Variants in LARGE1 observed in about 807,000 individuals in gnomAD.
The protein encoded by LARGE1 is LARGE xylosyl- and glucuronyltransferase 1.
LARGE1 carries 43 observed loss-of-function variants against 87.6 expected under a neutral mutation model. That is an observed-to-expected ratio of 0.49 (90% CI 0.38 to 0.63). The LOEUF (loss-of-function observed/expected upper bound fraction) is 0.63. Ranked by LOEUF, LARGE1 falls within the 30% of genes least tolerant of loss-of-function variation. LARGE1 has a pLI of 0.00. For missense variants in LARGE1, 802 were observed against 1,000.2 expected (o/e 0.80, Z 2.67); for synonymous variants, 434 against 394.6 (o/e 1.10, Z -1.18).
At chr22:33,808,571 A>G (rs529831727) in intron 1 of LARGE1, among the ~76,000 whole-genome samples, 7 of 151,800 alleles carry the variant, frequency 4.6e-5, no homozygotes, top group Non-Finnish European at 7.4e-5. Context: ...TACAAAGCAC[A>G]AGGCACCCTG....
chr22:33,574,210 G>A (rs779029092), intron 5 of LARGE1, among the ~76,000 whole-genome samples: 8 of 152,136 alleles, frequency 5.3e-5, no homozygotes, highest in African/African-American at 9.7e-5. Context: ...CATCCTTGGA[G>A]TCTGTGGGTT....
intron 1 of LARGE1, among the ~76,000 whole-genome samples, chr22:33,840,575 C>G (rs964430279): frequency 2.0e-4 from 31 of 152,028 alleles, no homozygotes; most frequent in Non-Finnish European, 2.9e-5. Flanking sequence ...TTTTAAAGTA[C>G]TATTGGATCT....
chr22:33,316,673 G>T (rs1027727344), intron 10 of LARGE1, among the ~76,000 whole-genome samples: 1 of 152,088 alleles, frequency 6.6e-6, no homozygotes, highest in Non-Finnish European at 1.5e-5. Context: ...GGACATGGAG[G>T]CTGCAGTGAG....
chr22:33,360,926 C>T, intron 9 of LARGE1, among the ~76,000 whole-genome samples: 1 of 149,738 alleles, frequency 6.7e-6, no homozygotes, highest in East Asian at 1.9e-4. Flanking sequence ...CCCGATAAAA[C>T]CCCATGTCGG....
intron 11 of LARGE1, among the ~76,000 whole-genome samples, chr22:33,170,354 G>A (rs1178532549): frequency 6.6e-6 from 1 of 152,086 alleles, no homozygotes; most frequent in Non-Finnish European, 1.5e-5. Flanking sequence ...GGATGACAAA[G>A]CAAGACTCCA....
intron 5 of LARGE1, among the ~76,000 whole-genome samples, chr22:33,598,321 TTGTTGAGAAACAGACCA>T (rs2079031793): frequency 6.6e-6 from 1 of 152,198 alleles, no homozygotes; most frequent in African/African-American, 2.4e-5. Flanking sequence ...CATAGAGGTG[TTGTTGAGAAACAGACCA>T]TGAGAGAACC....
intron 10 of LARGE1, chr22:33,322,480 T>G (rs1434150049): frequency 6.6e-6 from 1 of 152,266 alleles, no homozygotes; most frequent in East Asian, 1.9e-4. Flanking sequence ...GATTATATCA[T>G]GTACCTTTTC....
chr22:33,128,694 A>G, the LARGE1 span, among the ~76,000 whole-genome samples: 2 of 135,374 alleles, frequency 1.5e-5, no homozygotes, highest in Admixed American at 1.5e-4. Context: ...AAAAAAAAAA[A>G]AAAGAAAAAG....
intron 6 of LARGE1, among the ~76,000 whole-genome samples, chr22:33,505,020 C>G (rs528448783): frequency 7.9e-5 from 12 of 152,340 alleles, no homozygotes; most frequent in African/African-American, 2.9e-4. Context: ...CCAGGGGCAT[C>G]AGGTATGAGG....
chr22:33,177,353 A>C (rs1938670669), intron 11 of LARGE1, among the ~76,000 whole-genome samples: 1 of 152,174 alleles, frequency 6.6e-6, no homozygotes, highest in South Asian at 2.1e-4. Context: ...CTTATTAAAT[A>C]AAACAATAGA....
intron 1 of LARGE1, among the ~76,000 whole-genome samples, chr22:33,782,062 G>A (rs1362363716): frequency 6.6e-6 from 1 of 152,172 alleles, no homozygotes; most frequent in Non-Finnish European, 1.5e-5. Flanking sequence ...GGAAAATGAG[G>A]CTCAGACAAA....
At chr22:33,309,678 A>C (rs1935345743) in intron 11 of LARGE1, among the ~76,000 whole-genome samples, 1 of 152,230 alleles carries the variant, frequency 6.6e-6, no homozygotes, top group Admixed American at 6.5e-5. Flanking sequence ...TTGTTACAGC[A>C]GATAATGAGA....
intron 6 of LARGE1, among the ~76,000 whole-genome samples, chr22:33,518,898 A>T (rs114399766): frequency 0.027 from 4,066 of 152,028 alleles, 77 homozygotes; most frequent in African/African-American, 0.047. Context: ...ATATCCAGGG[A>T]CCCGCACATC....
chr22:33,874,163 C>T (rs2064392156), intron 1 of LARGE1, among the ~76,000 whole-genome samples: 1 of 152,190 alleles, frequency 6.6e-6, no homozygotes, highest in African/African-American at 2.4e-5. Flanking sequence ...CTGGCTAACT[C>T]GGTCCTTTGT....
chr22:33,833,535 T>C (rs972499803), intron 1 of LARGE1, among the ~76,000 whole-genome samples: 1 of 152,170 alleles, frequency 6.6e-6, no homozygotes, highest in African/African-American at 2.4e-5. Context: ...AACAACTTCA[T>C]CTTGGACTTC....
At chr22:33,654,341 T>C (rs2080901593) in intron 2 of LARGE1, among the ~76,000 whole-genome samples, 1 of 152,222 alleles carries the variant, frequency 6.6e-6, no homozygotes, top group African/African-American at 2.4e-5. Context: ...GCCCCTTCCT[T>C]TTCCTCAAGC....
At chr22:33,571,692 G>A (rs1385447848) in intron 5 of LARGE1, among the ~76,000 whole-genome samples, 1 of 152,184 alleles carries the variant, frequency 6.6e-6, no homozygotes, top group Non-Finnish European at 1.5e-5. Context: ...TATATGGGCT[G>A]ACCTATTGAA....
intron 6 of LARGE1, among the ~76,000 whole-genome samples, chr22:33,457,293 C>CTTTTTTTTTTTT (rs759460321): frequency 8.0e-4 from 60 of 74,926 alleles, no homozygotes; most frequent in East Asian, 1.1e-3. Flanking sequence ...ACGCCTGGCT[C>CTTTTTTTTTTTT]TTTTTTTTTT....
rs182238655 is a variant in LARGE1, at chr22:33,692,743, T to C, written c.107-42075A>G. Among the ~76,000 whole-genome samples, 7 of 152,356 alleles carry C rather than the reference T, an allele frequency of 4.6e-5. No homozygotes were observed. The East Asian group carries it at 1.3e-3, about 29-fold the overall frequency. ...ATATTTATCACACACATCATTTTGC[T>C]AAAAGTACTGTATCAATTTTTACAA... On this transcript the variant is annotated intron_variant, in intron 2 of 14. Transcript: ENST00000397394.
Sources: gnomAD v4.1 joint callset for allele counts (sites outside exome capture counted in the v4.1 genomes callset) on GRCh38, gnomAD v4.1.1 for gene constraint, MANE v1.5 for transcripts, NCBI Gene and HGNC (gene_info 2026-07-23, HGNC 2026-07-21) for gene names.